Variants in ATP8A1 observed in about 807,000 individuals in gnomAD.
The protein encoded by ATP8A1 is ATPase phospholipid transporting 8A1, also known as phospholipid-transporting ATPase IA.
A neutral mutation model predicts 177.7 loss-of-function variants in ATP8A1; 90 were observed. The observed-to-expected ratio is 0.51, with a 90% CI of 0.43 to 0.60. The LOEUF (loss-of-function observed/expected upper bound fraction) is 0.60. ATP8A1 is among the 20% of genes least tolerant of loss of function. The pLI is 0.00. For synonymous variants in ATP8A1, 493 were observed against 485.9 expected, an observed-to-expected ratio of 1.01 and a Z score of -0.19; for missense variants, 1,072 against 1,392.8, an observed-to-expected ratio of 0.77 and a Z score of 3.67.
In ATP8A1 at chr4:42,655,544, T is replaced by A. The variant is rs180899708; in HGVS notation, c.49+1281A>T. Among the ~76,000 whole-genome samples, 681 of 152,364 alleles carry A rather than the reference T, an allele frequency of 4.5e-3. 1 individual carries two copies. The highest frequency in any genetic ancestry group is 7.6e-3 in the Non-Finnish European group (516 of 68,028). ...AAATGAATTTTTACAGTGTGCATTT[T>A]AAAAGTATAATGTATTCAACTGTGT... On this transcript the variant is annotated intron_variant, in intron 1 of 36. Transcript: ENST00000381668.
At chr4:42,452,281 T>C (rs988718430) in intron 29 of ATP8A1, among the ~76,000 whole-genome samples, 2 of 152,208 alleles carry the variant, frequency 1.3e-5, no homozygotes, top group African/African-American at 2.4e-5. Flanking sequence ...ACTTGAATTT[T>C]TTTTTCTGCT....
chr4:42,647,312 G>A (rs1008181940), intron 1 of ATP8A1, among the ~76,000 whole-genome samples: 1 of 152,108 alleles, frequency 6.6e-6, no homozygotes, highest in Non-Finnish European at 1.5e-5. Flanking sequence ...TAACAAGTAA[G>A]CATATGCTAG....
At chr4:42,581,288 C>A (rs757799459) in intron 10 of ATP8A1, among the ~76,000 whole-genome samples, 1 of 152,142 alleles carries the variant, frequency 6.6e-6, no homozygotes, top group Non-Finnish European at 1.5e-5. Context: ...TGTCCACTAC[C>A]ACGCCCGGCT....
At chr4:42,559,046 G>A (rs761542381) in intron 15 of ATP8A1, among the ~76,000 whole-genome samples, 1 of 152,002 alleles carries the variant, frequency 6.6e-6, no homozygotes, top group Non-Finnish European at 1.5e-5. Context: ...CTGGTGGTAT[G>A]CACCAGCTGG....
intron 12 of ATP8A1, among the ~76,000 whole-genome samples, chr4:42,577,289 C>T (rs541461474): frequency 3.6e-4 from 55 of 152,218 alleles, no homozygotes; most frequent in East Asian, 1.3e-3. Flanking sequence ...TATCCTATTA[C>T]GTAATTTTTC....
intron 5 of ATP8A1, among the ~76,000 whole-genome samples, chr4:42,614,624 A>G (rs1422421418): frequency 1.3e-5 from 2 of 152,140 alleles, no homozygotes; most frequent in East Asian, 3.9e-4. Context: ...TAAACCTTCA[A>G]CAGCGACTCA....
At chr4:42,460,552 T>C (rs1314499779) in intron 27 of ATP8A1, among the ~76,000 whole-genome samples, 2 of 152,140 alleles carry the variant, frequency 1.3e-5, no homozygotes, top group East Asian at 3.9e-4. Flanking sequence ...CATGCCCAGC[T>C]AATTTTTTGT....
intron 1 of ATP8A1, among the ~76,000 whole-genome samples, chr4:42,644,676 C>T (rs1231608303): frequency 6.6e-6 from 1 of 152,034 alleles, no homozygotes; most frequent in Non-Finnish European, 1.5e-5. Flanking sequence ...TGGCCACCAG[C>T]AGCATCCTAA....
chr4:42,483,369 T>G, intron 25 of ATP8A1, among the ~76,000 whole-genome samples: 2 of 108,848 alleles, frequency 1.8e-5, no homozygotes, highest in African/African-American at 3.5e-5. Flanking sequence ...GAAAGATATG[T>G]GACTTAAGAA....
At chr4:42,485,117 T>C (rs1722061910) in intron 25 of ATP8A1, among the ~76,000 whole-genome samples, 2 of 152,160 alleles carry the variant, frequency 1.3e-5, no homozygotes, top group Non-Finnish European at 2.9e-5. Flanking sequence ...ATTTGGAAAA[T>C]GATTCAGTTT....
chr4:42,472,274 A>G, intron 25 of ATP8A1: 3 of 551,856 alleles, frequency 5.4e-6, no homozygotes, highest in South Asian at 4.2e-5. Flanking sequence ...CATTTGGACA[A>G]AGCATAGGAG....
chr4:42,565,182 G>A (rs1201883059), intron 15 of ATP8A1, among the ~76,000 whole-genome samples: 2 of 152,122 alleles, frequency 1.3e-5, no homozygotes, highest in Non-Finnish European at 2.9e-5. Context: ...GCTTGAAAAC[G>A]GACTAATACA....
chr4:42,597,230 TTACCTTGGCATGTA>T (rs1734808123), intron 6 of ATP8A1, among the ~76,000 whole-genome samples: 1 of 152,192 alleles, frequency 6.6e-6, no homozygotes, highest in Admixed American at 6.5e-5. Context: ...GTCTATCATA[TTACCTTGGCATGTA>T]GACGACACTC....
chr4:42,551,077 G>A lies in ATP8A1; in HGVS notation c.1602+121C>T. The stretch of plus-strand genomic sequence containing the variant: ...AAAGAAATAGCTAAAAGAACACCCA[G>A]TAGTTGCTTCTGGAGTGGGGAACCT... On this transcript the variant is annotated intron_variant, in intron 18 of 36. Coordinates refer to ENST00000381668, the MANE Select transcript of ATP8A1 (RefSeq NM_006095.2). 6 of 738,472 alleles carry A rather than the reference G, an allele frequency of 8.1e-6. No homozygotes were observed. The South Asian group carries it at 8.6e-5, about 11-fold the overall frequency. The allele number at this position is 738,472 out of a possible 1,614,324, so 45.7% of individuals were successfully genotyped here.
intron 4 of ATP8A1, among the ~76,000 whole-genome samples, chr4:42,623,129 C>G (rs184820787): frequency 7.3e-5 from 11 of 151,262 alleles, no homozygotes; most frequent in Admixed American, 7.3e-4. Flanking sequence ...GAAATGCAAA[C>G]CAAAACCACA....
At chr4:42,615,922 C>G in intron 5 of ATP8A1, 111 bp downstream of exon 5, 1 of 1,037,508 alleles carries the variant, frequency 9.6e-7, no homozygotes, top group Non-Finnish European at 1.4e-6. Context: ...TACCCCAAAA[C>G]AAAAACTTGA....
In ATP8A1 at chr4:42,464,755, A is replaced by G. The variant is rs2153182983; in HGVS notation, c.2554T>C (p.Tyr852His). ...NLLMIHGAWN[Y>H]NRVSKCILYC... ...AAGATGCACTTGGAGACTCTGTTAT[A>G]GTTCCAGGCACCATGAATCATCAGT... Residue 852 changes from tyrosine to histidine, a missense_variant, in exon 27 of 37, where the codon TAT (tyrosine) becomes CAT (histidine). Around this residue, in one of 5 missense-constraint regions of ATP8A1, gnomAD observed 316 missense variants for 459.1 expected, o/e 0.69. Coordinates refer to ENST00000381668, the MANE Select transcript of ATP8A1 (RefSeq NM_006095.2). The G allele has an allele frequency of 6.2e-7, 1 of 1,613,932 alleles. No homozygotes were observed. The highest frequency in any genetic ancestry group is 2.2e-5 in the East Asian group (1 of 44,880).
In ATP8A1 at chr4:42,485,476, C is replaced by G; in HGVS notation, c.2324+20G>C. On this transcript the variant is annotated intron_variant, in intron 25 of 36. Coordinates refer to ENST00000381668, the MANE Select transcript of ATP8A1 (RefSeq NM_006095.2). ...CAAGTCATTCTTTACTAAAATCTGA[C>G]AATGATAAGGAGAACTTACCGACAG... 1 of 1,577,616 alleles carries G rather than the reference C, an allele frequency of 6.3e-7. No individual in the cohort carries two copies. The highest frequency in any genetic ancestry group is 8.6e-7 in the Non-Finnish European group (1 of 1,162,092).
chr4:42,489,503 A>T (rs775640928), intron 24 of ATP8A1, among the ~76,000 whole-genome samples: 2 of 152,214 alleles, frequency 1.3e-5, no homozygotes, highest in Non-Finnish European at 2.9e-5. Flanking sequence ...TCAGAAGGTG[A>T]GTCAAAAACT....
Sources: allele counts gnomAD v4.1 joint callset (sites outside exome capture counted in the v4.1 genomes callset), GRCh38; gene constraint gnomAD v4.1.1; regional missense constraint gnomAD v4.1.1; transcripts MANE v1.5; gene names NCBI Gene and HGNC (gene_info 2026-07-23, HGNC 2026-07-21).